The following SYNPR variants were observed in gnomAD, a reference collection of about 807,000 sequenced individuals.
The protein encoded by SYNPR is synaptoporin.
SYNPR carries 23 observed loss-of-function variants against 32.9 expected under a neutral mutation model. The ratio of observed to expected loss-of-function variants is 0.70; its 90% confidence interval spans 0.50 to 0.99. The LOEUF (loss-of-function observed/expected upper bound fraction) is 0.99, where lower values mean the gene tolerates loss of function less well. SYNPR is among the 50% of genes least tolerant of loss of function. The probability of loss-of-function intolerance (pLI) is 0.00; values close to 1 mark genes in which losing one functional copy is unlikely to be tolerated. For synonymous variants in SYNPR, 146 were observed against 135.9 expected (o/e 1.07, Z -0.52); for missense variants, 318 against 349.3 (o/e 0.91, Z 0.71).
intron 2 of SYNPR, among the ~76,000 whole-genome samples, chr3:63,317,844 C>T (rs2087059543): frequency 6.6e-6 from 1 of 151,778 alleles, no homozygotes; most frequent in Admixed American, 6.6e-5. Flanking sequence ...TTTTGTTTTA[C>T]AAGTCCTGTG....
chr3:63,545,168 G>A (rs1001038765), intron 3 of SYNPR, among the ~76,000 whole-genome samples: 1 of 152,056 alleles, frequency 6.6e-6, no homozygotes, highest in African/African-American at 2.4e-5. Context: ...TTGGGTGTGA[G>A]ACTAGATGAG....
At chr3:63,526,161 T>C (rs541953292) in intron 3 of SYNPR, among the ~76,000 whole-genome samples, 72 of 152,270 alleles carry the variant, frequency 4.7e-4, no homozygotes, top group Admixed American at 1.0e-3. Context: ...ACTACCAACA[T>C]TGGGGATCAA....
chr3:63,555,026 G>C (rs1426407224), intron 3 of SYNPR, among the ~76,000 whole-genome samples: 1 of 151,940 alleles, frequency 6.6e-6, no homozygotes, highest in Non-Finnish European at 1.5e-5. Flanking sequence ...GACATTATTG[G>C]TGTATAGAAA....
the SYNPR span, among the ~76,000 whole-genome samples, chr3:63,206,560 CA>C: frequency 2.0e-3 from 292 of 147,186 alleles, 1 homozygote; most frequent in Middle Eastern, 7.0e-3. Context: ...GACTGTGTCT[CA>C]AAAAAAAAGA....
At chr3:63,256,097 G>A (rs187553777) in intron 2 of SYNPR, among the ~76,000 whole-genome samples, 48 of 152,236 alleles carry the variant, frequency 3.2e-4, no homozygotes, top group East Asian at 2.9e-3. Flanking sequence ...GGAGCCCACC[G>A]CAGCTCAAGG....
chr3:63,493,903 G>A lies in SYNPR; in HGVS notation c.209+12947G>A, dbSNP rs569660013. Among the ~76,000 whole-genome samples the A allele has an allele frequency of 1.9e-4, 29 of 151,736 alleles. 1 individual carries two copies. Among genetic ancestry groups the A allele is most frequent in the African/African-American group, 6.8e-4 (28 of 41,388 alleles). Reference sequence around the variant, plus strand: ...GTATCTGGGTGAAGCCCAAGGATTGGCATCTTAAATAATCCCCAAGTAAGC... The same window carrying A: ...GTATCTGGGTGAAGCCCAAGGATTGACATCTTAAATAATCCCCAAGTAAGC... On this transcript the variant is annotated intron_variant, in intron 3 of 5. Coordinates refer to ENST00000478300, the MANE Select transcript of SYNPR (RefSeq NM_001130003.2).
At chr3:63,611,403 C>T (rs1367790006) in intron 5 of SYNPR, among the ~76,000 whole-genome samples, 1 of 152,138 alleles carries the variant, frequency 6.6e-6, no homozygotes, top group African/African-American at 2.4e-5. Context: ...ATTTCTATTA[C>T]CAAAAGCAGG....
the SYNPR span, among the ~76,000 whole-genome samples, chr3:63,205,074 C>A: frequency 6.6e-6 from 1 of 152,164 alleles, no homozygotes; most frequent in Non-Finnish European, 1.5e-5. Flanking sequence ...GGTCATTTCC[C>A]TACTTTATAT....
intron 2 of SYNPR, among the ~76,000 whole-genome samples, chr3:63,387,432 T>A (rs1014253947): frequency 1.3e-5 from 2 of 152,316 alleles, no homozygotes; most frequent in East Asian, 1.9e-4. Flanking sequence ...AAAATGCCAC[T>A]AGTTTCTGTA....
chr3:63,591,634 TG>T (rs1484769111), intron 4 of SYNPR, among the ~76,000 whole-genome samples: 2 of 137,634 alleles, frequency 1.5e-5, no homozygotes, highest in African/African-American at 5.5e-5. Context: ...CCCTAAAAAA[TG>T]ATGAGTTCAT....
At chr3:63,205,868 G>A in the SYNPR span, among the ~76,000 whole-genome samples, 1 of 152,124 alleles carries the variant, frequency 6.6e-6, no homozygotes, top group Non-Finnish European at 1.5e-5. Flanking sequence ...GAAATAACTG[G>A]ACATTTCTGG....
the SYNPR span, among the ~76,000 whole-genome samples, chr3:63,222,163 G>A: frequency 6.1e-4 from 93 of 151,836 alleles, no homozygotes; most frequent in East Asian, 0.015. Context: ...ATAGAATTGA[G>A]CAACTGTAAG....
At chr3:63,456,004 CA>C (rs1226095583) in intron 2 of SYNPR, among the ~76,000 whole-genome samples, 1 of 152,030 alleles carries the variant, frequency 6.6e-6, no homozygotes, top group Non-Finnish European at 1.5e-5. Flanking sequence ...GCCTCACAAT[CA>C]TGGCAGAAGG....
intron 1 of SYNPR, among the ~76,000 whole-genome samples, chr3:63,251,621 G>T (rs1266927371): frequency 6.6e-6 from 1 of 152,128 alleles, no homozygotes; most frequent in African/African-American, 2.4e-5. Flanking sequence ...GTAATTCCCT[G>T]TGTCTGAGAG....
chr3:63,443,908 AAT>A (rs1386375469), intron 2 of SYNPR, among the ~76,000 whole-genome samples: 1 of 152,152 alleles, frequency 6.6e-6, no homozygotes, highest in East Asian at 1.9e-4. Context: ...ACAGCTACCA[AAT>A]ATTATATGTT....
intron 2 of SYNPR, among the ~76,000 whole-genome samples, chr3:63,370,336 C>T (rs191001511): frequency 7.9e-5 from 12 of 152,308 alleles, no homozygotes; most frequent in African/African-American, 2.9e-4. Flanking sequence ...GCCCTTGAGA[C>T]TGCTCTGAAA....
At chr3:63,309,546 C>G (rs1340082405) in intron 2 of SYNPR, among the ~76,000 whole-genome samples, 1 of 151,968 alleles carries the variant, frequency 6.6e-6, no homozygotes, top group African/African-American at 2.4e-5. Context: ...TAAGTAGGAT[C>G]AGAGAGGTGT....
At chr3:63,357,571 T>C (rs1001987428) in intron 2 of SYNPR, among the ~76,000 whole-genome samples, 2 of 152,000 alleles carry the variant, frequency 1.3e-5, no homozygotes, top group Admixed American at 6.6e-5. Flanking sequence ...AGAATCCCCA[T>C]TCCCTGCCTG....
chr3:63,539,441 TTCCTTCTCTG>T (rs1265898194), intron 3 of SYNPR, among the ~76,000 whole-genome samples: 11 of 152,098 alleles, frequency 7.2e-5, no homozygotes, highest in African/African-American at 2.7e-4. Flanking sequence ...ATCATAGAAC[TTCCTTCTCTG>T]GTATCTAAAT....
Sources: gnomAD v4.1 joint callset for allele counts (sites outside exome capture counted in the v4.1 genomes callset) on GRCh38, gnomAD v4.1.1 for gene constraint, MANE v1.5 for transcripts, NCBI Gene and HGNC (gene_info 2026-07-23, HGNC 2026-07-21) for gene names.